MTOR: variants seen among roughly 807,000 people sequenced by gnomAD.
MTOR encodes the protein serine/threonine-protein kinase mTOR.
MTOR carries 70 observed loss-of-function variants against 319.8 expected under a neutral mutation model. That is an observed-to-expected ratio of 0.22 (90% CI 0.18 to 0.27). The LOEUF (loss-of-function observed/expected upper bound fraction) is 0.27. MTOR is among the 10% of genes least tolerant of loss of function. The pLI, the probability that MTOR is intolerant of heterozygous loss-of-function variation, is 1.00. For synonymous variants in MTOR, 1,183 were observed against 1,211.4 expected (o/e 0.98, Z 0.49); for missense variants, 1,890 against 3,274.4 (o/e 0.58, Z 10.32).
intron 28 of MTOR, among the ~76,000 whole-genome samples, chr1:11,181,200 A>C (rs955317231): frequency 1.3e-5 from 2 of 152,176 alleles, no homozygotes; most frequent in Non-Finnish European, 2.9e-5. Flanking sequence ...TGGCTTCTGG[A>C]ATAAACAGGA....
intron 10 of MTOR, among the ~76,000 whole-genome samples, chr1:11,241,056 C>T (rs967780904): frequency 6.6e-6 from 1 of 151,578 alleles, no homozygotes; most frequent in African/African-American, 2.4e-5. Flanking sequence ...GGCGCGGTGG[C>T]TCACACCTGT....
intron 28 of MTOR, among the ~76,000 whole-genome samples, chr1:11,183,831 T>G (rs1013091027): frequency 6.6e-6 from 1 of 152,130 alleles, no homozygotes; most frequent in East Asian, 1.9e-4. Flanking sequence ...AAAAAAAAAT[T>G]TTCTTCCCCC....
intron 30 of MTOR, among the ~76,000 whole-genome samples, chr1:11,155,797 A>G (rs902485825): frequency 6.6e-6 from 1 of 152,108 alleles, no homozygotes; most frequent in African/African-American, 2.4e-5. Context: ...CTGGGAAGGC[A>G]GGGGCTGTAA....
intron 9 of MTOR, among the ~76,000 whole-genome samples, chr1:11,242,515 A>AAAAAAC (rs1648201247): frequency 6.6e-6 from 1 of 151,042 alleles, no homozygotes; most frequent in South Asian, 2.1e-4. Context: ...AAAAAAAAAA[A>AAAAAAC]AAAAAAAAAA....
At chr1:11,211,881 C>T (rs1361619516) in intron 23 of MTOR, among the ~76,000 whole-genome samples, 2 of 152,144 alleles carry the variant, frequency 1.3e-5, no homozygotes, top group African/African-American at 4.8e-5. Flanking sequence ...AAGCTGCCAC[C>T]TCAACCTTAG....
intron 28 of MTOR, among the ~76,000 whole-genome samples, chr1:11,191,328 C>T (rs147286221): frequency 6.6e-6 from 1 of 152,112 alleles, no homozygotes; most frequent in South Asian, 2.1e-4. Flanking sequence ...ACCACTAAGA[C>T]GAAATGAAGA....
At chr1:11,182,852 T>G (rs753278795) in intron 28 of MTOR, among the ~76,000 whole-genome samples, 44 of 152,224 alleles carry the variant, frequency 2.9e-4, no homozygotes, top group Middle Eastern at 3.2e-3. Flanking sequence ...ATACCACCAT[T>G]TACCTATCTT....
At chr1:11,111,607 AC>A (rs1641877727) in intron 54 of MTOR, 1 of 171,260 alleles carries the variant, frequency 5.8e-6, no homozygotes, top group Admixed American at 6.3e-5. Context: ...CTGAATCTCC[AC>A]AGCCCTACTC....
rs193302136 is a variant in MTOR, at chr1:11,164,283, C to T, written c.4329+3159G>A. On this transcript the variant is annotated intron_variant, in intron 29 of 57. Coordinates refer to ENST00000361445, the MANE Select transcript of MTOR (RefSeq NM_004958.4). ...CTGGGAGGCGGAGCTTGTAGTGAGC[C>T]GAGATCATGCCACTGCACTCCAGCC... Among the ~76,000 whole-genome samples, 164 of 141,574 alleles carry T rather than the reference C, an allele frequency of 1.2e-3. 1 individual carries two copies. Among genetic ancestry groups the T allele is most frequent in the African/African-American group, 4.1e-3 (153 of 37,690 alleles). The allele number at this position is 141,574 out of a possible 152,430, so 92.9% of individuals were successfully genotyped here.
At chr1:11,172,630 G>A (rs568682732) in intron 28 of MTOR, among the ~76,000 whole-genome samples, 5 of 151,382 alleles carry the variant, frequency 3.3e-5, no homozygotes, top group African/African-American at 1.2e-4. Flanking sequence ...CAGCACTGTG[G>A]GAGGCCGAGG....
rs113160223 is a variant in MTOR at position 11,191,895 on chromosome 1, G to A, written c.4253+7363C>T. On this transcript the variant is annotated intron_variant, in intron 28 of 57. Coordinates refer to ENST00000361445, the MANE Select transcript of MTOR (RefSeq NM_004958.4). ...TTCACGACTGATTTGTTATAGTGGC[G>A]GCTGTCTAAGAAGTCTGAATCTATC... is the stretch of plus-strand genomic sequence containing the variant. 2.2e-3 allele frequency among the ~76,000 whole-genome samples: 328 copies of A among 152,262 alleles called. 3 individuals are homozygous for A. The highest frequency in any genetic ancestry group is 7.0e-3 in the African/African-American group (292 of 41,534).
At chr1:11,221,868 A>C (rs914087693) in intron 19 of MTOR, among the ~76,000 whole-genome samples, 3 of 150,792 alleles carry the variant, frequency 2.0e-5, no homozygotes, top group Non-Finnish European at 4.4e-5. Context: ...CAATAAGATG[A>C]CTAAATGACT....
At position 11,212,962 on chromosome 1, in the gene MTOR, G is replaced by A. The variant is rs1646357911; in HGVS notation, c.3286-54C>T. ...GAATAGTCAGGTCCCAAGTATCTAA[G>A]GACACGCAGCGGGTGGTGGTGTAGA... is the stretch of plus-strand genomic sequence containing the variant. On this transcript the variant is annotated intron_variant, in intron 21 of 57. Coordinates refer to ENST00000361445, the MANE Select transcript of MTOR (RefSeq NM_004958.4). This position sits in a 1 kb window ranked among gnomAD's most constrained non-coding sequence, Gnocchi z 4.1. 3.6e-6 allele frequency: 5 copies of A among 1,393,562 alleles called. No homozygotes were observed. The African/African-American group carries it at 4.3e-5, about 12-fold the overall frequency. 86.3% of individuals were successfully genotyped at this position (1,393,562 alleles called of 1,614,324 possible).
rs1429234795 is a variant in MTOR at position 11,254,086 on chromosome 1, C to A, written c.706-113G>T. 4.1e-6 allele frequency: 5 copies of A among 1,214,472 alleles called. No homozygotes were observed. The African/African-American group carries it at 7.6e-5, about 18-fold the overall frequency. 75.2% of individuals were successfully genotyped at this position (1,214,472 alleles called of 1,614,324 possible). ...GAGGTGCTACCACGCCTGCTCAGTG[C>A]CTAGTGCCAGTCATCAACAAAACTA... On this transcript the variant is annotated intron_variant, in intron 5 of 57. Transcript: ENST00000361445.
rs996919352 is a variant in MTOR, at chr1:11,241,246, G to A, written c.1541+307C>T. Among the ~76,000 whole-genome samples the A allele has an allele frequency of 4.6e-5, 7 of 151,238 alleles. No homozygotes were observed. In the East Asian group the frequency reaches 9.7e-4, roughly 21 times the overall value. ...TGAGGCAGGAGAATGGCGTGAACCC[G>A]GGAGGCGGAGCTTGCAGTGAGCCAA... is the stretch of plus-strand genomic sequence containing the variant. On this transcript the variant is annotated intron_variant, in intron 10 of 57. Coordinates refer to ENST00000361445, the MANE Select transcript of MTOR (RefSeq NM_004958.4).
chr1:11,154,100 A>AAAAAAAAAAC (rs1644241672), intron 30 of MTOR, among the ~76,000 whole-genome samples: 1 of 145,862 alleles, frequency 6.9e-6, no homozygotes, highest in Non-Finnish European at 1.5e-5. Context: ...AAAAAAAAAA[A>AAAAAAAAAAC]AAAGCCACAT....
At chr1:11,120,415 G>A (rs994450936) in intron 49 of MTOR, among the ~76,000 whole-genome samples, 2 of 151,950 alleles carry the variant, frequency 1.3e-5, no homozygotes, top group African/African-American at 2.4e-5. Flanking sequence ...GTACGTGCCT[G>A]TAATCCCAGC....
rs768105840 is a variant in MTOR, at chr1:11,127,595, T to A, written c.6216+29A>T. 1.3e-6 allele frequency: 2 copies of A among 1,581,380 alleles called. No homozygotes were observed. Among genetic ancestry groups the A allele is most frequent in the Non-Finnish European group, 1.7e-6 (2 of 1,166,142 alleles). On this transcript the variant is annotated intron_variant, in intron 44 of 57. Coordinates refer to ENST00000361445, the MANE Select transcript of MTOR (RefSeq NM_004958.4). The surrounding 1 kb of genome is among the most constrained non-coding windows in gnomAD (Gnocchi z 5.5). ...TAGTGGCAGAATATTTCTACAGGGT[T>A]ATGTCCTTTCGTGTTTTTTACCCCA...
chr1:11,148,359 TAAG>T (rs1021535559), intron 31 of MTOR, among the ~76,000 whole-genome samples: 3 of 152,182 alleles, frequency 2.0e-5, no homozygotes, highest in Non-Finnish European at 2.9e-5. Context: ...TACTGTGGTA[TAAG>T]AAGAAATATG....
Sources: allele counts gnomAD v4.1 joint callset (sites outside exome capture counted in the v4.1 genomes callset), GRCh38; gene constraint gnomAD v4.1.1; non-coding constraint Gnocchi (gnomAD v3.1); transcripts MANE v1.5; gene names NCBI Gene and HGNC (gene_info 2026-07-23, HGNC 2026-07-21).